The following FYN variants were observed in gnomAD, a reference collection of about 807,000 sequenced individuals.
The protein encoded by FYN is FYN proto-oncogene, Src family tyrosine kinase, also known as tyrosine-protein kinase Fyn.
FYN carries 10 observed loss-of-function variants against 70.2 expected under a neutral mutation model. The ratio of observed to expected loss-of-function variants is 0.14; its 90% CI spans 0.09 to 0.24. The LOEUF is 0.24. Ranked by LOEUF, FYN falls within the 10% of genes least tolerant of loss-of-function variation. The pLI, the probability that FYN is intolerant of heterozygous loss-of-function variation, is 1.00. For missense variants in FYN, 319 were observed against 673.1 expected (o/e 0.47, Z 5.82); for synonymous variants, 236 against 248.6 (o/e 0.95, Z 0.48).
At chr6:111,679,736 T>C (rs574070878) in intron 12 of FYN, among the ~76,000 whole-genome samples, 3 of 152,126 alleles carry the variant, frequency 2.0e-5, no homozygotes, top group African/African-American at 7.2e-5. Context: ...CACACACTAA[T>C]GAAACTTAAA....
At chr6:111,766,740 C>T (rs1393529036) in intron 3 of FYN, among the ~76,000 whole-genome samples, 1 of 152,170 alleles carries the variant, frequency 6.6e-6, no homozygotes, top group Non-Finnish European at 1.5e-5. Flanking sequence ...CTCGTGAGAA[C>T]TCACTTACTA....
chr6:111,778,782 C>T (rs774346904), intron 3 of FYN, among the ~76,000 whole-genome samples: 6 of 152,096 alleles, frequency 3.9e-5, no homozygotes, highest in Non-Finnish European at 8.8e-5. Context: ...GCGTGAGTCA[C>T]CGCACCCAGC....
intron 3 of FYN, among the ~76,000 whole-genome samples, chr6:111,775,981 G>C (rs930875201): frequency 6.6e-6 from 1 of 152,158 alleles, no homozygotes; most frequent in Non-Finnish European, 1.5e-5. Flanking sequence ...GGTCTGGTTG[G>C]ATTTTGGGTT....
At chr6:111,690,871 C>T (rs1347948256) in intron 12 of FYN, among the ~76,000 whole-genome samples, 1 of 152,234 alleles carries the variant, frequency 6.6e-6, no homozygotes, top group Non-Finnish European at 1.5e-5. Context: ...TCCCCCACGT[C>T]TTCCTCCTCA....
intron 9 of FYN, 135 bp from the exon 10 acceptor site, chr6:111,696,591 T>A: frequency 1.6e-6 from 1 of 616,786 alleles, no homozygotes; most frequent in Non-Finnish European, 2.6e-6. Context: ...AACAAAGACA[T>A]TCAATTGCAA....
intron 13 of FYN, among the ~76,000 whole-genome samples, chr6:111,673,698 A>G (rs994649829): frequency 1.5e-5 from 2 of 130,526 alleles, no homozygotes; most frequent in Non-Finnish European, 3.1e-5. Flanking sequence ...TTCTTCACTC[A>G]GCAGTAACTG....
intron 3 of FYN, among the ~76,000 whole-genome samples, chr6:111,770,485 G>A (rs1445789698): frequency 1.3e-5 from 2 of 152,162 alleles, no homozygotes; most frequent in African/African-American, 4.8e-5. Context: ...CAAGGTGACA[G>A]GTCAGGGTAA....
At chr6:111,779,769 C>T (rs1771101189) in intron 3 of FYN, among the ~76,000 whole-genome samples, 1 of 152,210 alleles carries the variant, frequency 6.6e-6, no homozygotes, top group Non-Finnish European at 1.5e-5. Flanking sequence ...ATAAATATGC[C>T]TCTTGGTAGC....
chr6:111,797,310 C>A (rs548216909), intron 2 of FYN, among the ~76,000 whole-genome samples: 89 of 152,126 alleles, frequency 5.9e-4, no homozygotes, highest in African/African-American at 2.0e-3. Context: ...AAACAGGATA[C>A]GGAATATTAA....
intron 3 of FYN, among the ~76,000 whole-genome samples, chr6:111,744,253 C>T (rs571780886): frequency 1.3e-5 from 2 of 152,322 alleles, no homozygotes; most frequent in South Asian, 2.1e-4. Flanking sequence ...TTCATATCTG[C>T]GTTAGGGCCC....
intron 2 of FYN, among the ~76,000 whole-genome samples, chr6:111,796,316 T>A (rs1771803033): frequency 6.6e-6 from 1 of 152,242 alleles, no homozygotes; most frequent in Admixed American, 6.5e-5. Context: ...AATGCTGATA[T>A]TTTTTACTGT....
rs571657332 is a variant in FYN at position 111,820,757 on chromosome 6, G to A, written c.-82+25832C>T. Among the ~76,000 whole-genome samples, 13 of 152,030 alleles carry A rather than the reference G, an allele frequency of 8.6e-5. No individual in the cohort carries two copies. The South Asian group carries it at 2.7e-3, about 32-fold the overall frequency. ...CAGATGCATAATTATAAAAAAAAATGATATAAGCACTGGAATTATTCAAAA... is the reference window on the plus strand; with the variant it reads ...CAGATGCATAATTATAAAAAAAAATAATATAAGCACTGGAATTATTCAAAA... On this transcript the variant is annotated intron_variant, in intron 2 of 13. Coordinates refer to ENST00000354650, the MANE Select transcript of FYN (RefSeq NM_002037.5).
chr6:111,665,194 T>C (rs954216100), intron 13 of FYN, among the ~76,000 whole-genome samples: 5 of 152,206 alleles, frequency 3.3e-5, no homozygotes, highest in African/African-American at 1.2e-4. Flanking sequence ...AACCAGTAAG[T>C]TGAGCATTCC....
At chr6:111,699,571 C>T (rs777800541) in intron 9 of FYN, 31 of 1,614,014 alleles carry the variant, frequency 1.9e-5, no homozygotes, top group Middle Eastern at 1.6e-4. Context: ...ACACAACGAA[C>T]GACGTGCAAC....
At chr6:111,679,256 T>C (rs929503213) in intron 12 of FYN, among the ~76,000 whole-genome samples, 2 of 152,234 alleles carry the variant, frequency 1.3e-5, no homozygotes, top group South Asian at 2.1e-4. Context: ...CAGGGAACCT[T>C]TGCCTGATCA....
intron 2 of FYN, among the ~76,000 whole-genome samples, chr6:111,818,922 T>C (rs1305110227): frequency 6.6e-6 from 1 of 152,190 alleles, no homozygotes; most frequent in African/African-American, 2.4e-5. Flanking sequence ...TCTTGGACCA[T>C]CCGGCTATGC....
intron 2 of FYN, among the ~76,000 whole-genome samples, chr6:111,812,058 T>A (rs764718132): frequency 6.6e-6 from 1 of 152,200 alleles, no homozygotes; most frequent in East Asian, 1.9e-4. Context: ...TACATGGAAC[T>A]GTAGGGAACT....
Position 111,719,849 on chromosome 6 carries a change from T to G in FYN, c.203A>C (p.Asn68Thr). ...CAAGGTCCCCGTATGAGACGAAGAGTTCACACCTCCAAAGACGGTGAGTCC... is the reference window on the plus strand; with the variant it reads ...CAAGGTCCCCGTATGAGACGAAGAGGTCACACCTCCAAAGACGGTGAGTCC... ...GQGLTVFGGV[N>T]SSSHTGTLRT... The change falls in exon 4 of 14, where the codon AAC (asparagine) becomes ACC (threonine). Residue 68 changes from asparagine to threonine, a missense_variant. Asn to Thr is a moderately conservative substitution (Grantham distance 65, BLOSUM62 0). Coordinates refer to ENST00000354650, the MANE Select transcript of FYN (RefSeq NM_002037.5). 2 of 1,614,034 alleles carry G rather than the reference T, an allele frequency of 1.2e-6. No homozygotes were observed. The highest frequency in any genetic ancestry group is 1.7e-6 in the Non-Finnish European group (2 of 1,180,006).
intron 2 of FYN, among the ~76,000 whole-genome samples, chr6:111,802,360 A>G (rs183640916): frequency 6.6e-6 from 1 of 152,266 alleles, no homozygotes; most frequent in East Asian, 1.9e-4. Flanking sequence ...TGCCAACATC[A>G]TGGTTCTTGT....
Sources: gnomAD v4.1 joint callset for allele counts (sites outside exome capture counted in the v4.1 genomes callset) on GRCh38, gnomAD v4.1.1 for gene constraint, MANE v1.5 for transcripts, NCBI Gene and HGNC (gene_info 2026-07-23, HGNC 2026-07-21) for gene names.